Variants in NUMB observed in about 807,000 individuals in gnomAD.
The protein encoded by NUMB is protein numb homolog.
In NUMB, 29 loss-of-function variants were observed where a neutral mutation model predicts 59.7. The ratio of observed to expected loss-of-function variants is 0.49; its 90% CI spans 0.36 to 0.66. The LOEUF (loss-of-function observed/expected upper bound fraction) is 0.66, where lower values mean the gene tolerates loss of function less well. Ranked by LOEUF, NUMB falls within the 30% of genes least tolerant of loss-of-function variation. NUMB has a pLI of 0.00. For synonymous variants in NUMB, 288 were observed against 288.2 expected, an observed-to-expected ratio of 1.00 and a Z score of 0.01; for missense variants, 723 against 822.0, an observed-to-expected ratio of 0.88 and a Z score of 1.47.
At chr14:73,435,807 G>A (rs575207472) in intron 1 of NUMB, among the ~76,000 whole-genome samples, 3 of 151,972 alleles carry the variant, frequency 2.0e-5, no homozygotes, top group African/African-American at 7.2e-5. Context: ...AGGAGTTCGA[G>A]ACTAGCCTGA....
intron 6 of NUMB, among the ~76,000 whole-genome samples, chr14:73,311,442 A>G (rs1890773156): frequency 6.6e-6 from 1 of 152,146 alleles, no homozygotes; most frequent in Non-Finnish European, 1.5e-5. Flanking sequence ...TAAGCTTACA[A>G]TGGATTACAG....
At chr14:73,307,772 GCC>G (rs969597500) in intron 6 of NUMB, among the ~76,000 whole-genome samples, 5 of 116,308 alleles carry the variant, frequency 4.3e-5, no homozygotes, top group African/African-American at 1.4e-4. Flanking sequence ...TTGCTCTGTT[GCC>G]CAGGCTGGAG....
intron 1 of NUMB, among the ~76,000 whole-genome samples, chr14:73,436,598 G>C (rs181573233): frequency 6.6e-6 from 1 of 151,986 alleles, no homozygotes; most frequent in East Asian, 1.9e-4. Context: ...GATTACAAGC[G>C]TGAGCCACCG....
intron 2 of NUMB, among the ~76,000 whole-genome samples, chr14:73,378,543 T>C (rs1401140809): frequency 6.6e-6 from 1 of 152,144 alleles, no homozygotes; most frequent in Non-Finnish European, 1.5e-5. Flanking sequence ...CTGTGGTACA[T>C]TCAAAAAGTG....
At chr14:73,343,247 C>T (rs1171381023) in intron 4 of NUMB, among the ~76,000 whole-genome samples, 1 of 152,056 alleles carries the variant, frequency 6.6e-6, no homozygotes, top group African/African-American at 2.4e-5. Flanking sequence ...AAGATCACTA[C>T]TACAACACTG....
intron 2 of NUMB, among the ~76,000 whole-genome samples, chr14:73,400,367 G>A (rs1896354588): frequency 6.6e-6 from 1 of 152,166 alleles, no homozygotes; most frequent in African/African-American, 2.4e-5. Flanking sequence ...CATTACATTT[G>A]CCAAAATCCT....
At chr14:73,328,690 T>A (rs903947814) in intron 4 of NUMB, among the ~76,000 whole-genome samples, 2 of 152,200 alleles carry the variant, frequency 1.3e-5, no homozygotes, top group African/African-American at 4.8e-5. Context: ...TCCACATCTT[T>A]TTTTTCTTTT....
chr14:73,279,461 C>T lies in NUMB; in HGVS notation c.1097-37G>A, dbSNP rs374767454. 9 of 1,545,520 alleles carry T rather than the reference C, an allele frequency of 5.8e-6. No individual in the cohort carries two copies. In the African/African-American group the frequency reaches 1.2e-4, roughly 21 times the overall value. ...GCAGACAACATCAATGGAGTTAATT[C>T]ATGCAGGGTGTACAAGTGACCCCTT... On this transcript the variant is annotated intron_variant, in intron 11 of 12. Coordinates refer to ENST00000555238, the MANE Select transcript of NUMB (RefSeq NM_001005743.2).
At chr14:73,353,404 C>A (rs572768816) in intron 4 of NUMB, among the ~76,000 whole-genome samples, 1 of 150,766 alleles carries the variant, frequency 6.6e-6, no homozygotes, top group Admixed American at 6.7e-5. Context: ...GTTTCTTTAA[C>A]CAATTCCAGA....
intron 4 of NUMB, among the ~76,000 whole-genome samples, chr14:73,325,515 T>G (rs1891616412): frequency 6.6e-6 from 1 of 152,162 alleles, no homozygotes; most frequent in South Asian, 2.1e-4. Context: ...CACCTGTAAC[T>G]GCTAACTGAA....
At chr14:73,294,265 T>C (rs1378537664) in intron 7 of NUMB, among the ~76,000 whole-genome samples, 1 of 152,148 alleles carries the variant, frequency 6.6e-6, no homozygotes, top group Non-Finnish European at 1.5e-5. Flanking sequence ...TGGAGTGCAG[T>C]GGCGCAATCA....
intron 2 of NUMB, among the ~76,000 whole-genome samples, chr14:73,403,091 C>T (rs1388933114): frequency 6.6e-6 from 1 of 152,174 alleles, no homozygotes; most frequent in African/African-American, 2.4e-5. Context: ...AATTTTGGCC[C>T]TTGGAACATC....
chr14:73,356,638 A>G (rs1893798876), intron 3 of NUMB, among the ~76,000 whole-genome samples: 1 of 152,194 alleles, frequency 6.6e-6, no homozygotes, highest in Non-Finnish European at 1.5e-5. Flanking sequence ...TCTCAAAAAT[A>G]AGTAAATAAA....
intron 4 of NUMB, among the ~76,000 whole-genome samples, chr14:73,354,172 G>A (rs1893637925): frequency 1.3e-5 from 2 of 151,898 alleles, no homozygotes; most frequent in East Asian, 3.9e-4. Flanking sequence ...TGGTACTGAG[G>A]CAGTAAAAAG....
chr14:73,383,022 T>C (rs937924170), intron 2 of NUMB, among the ~76,000 whole-genome samples: 2 of 152,206 alleles, frequency 1.3e-5, no homozygotes, highest in Non-Finnish European at 2.9e-5. Flanking sequence ...GGCACACATA[T>C]GTAATCCCAG....
At chr14:73,279,222 T>G in intron 12 of NUMB, 59 bp downstream of exon 12, 1 of 1,605,664 alleles carries the variant, frequency 6.2e-7, no homozygotes, top group Non-Finnish European at 8.5e-7. Context: ...GGCTGAGTTT[T>G]AGAACCAGGG....
chr14:73,359,089 G>C (rs1893966903), intron 3 of NUMB, among the ~76,000 whole-genome samples: 1 of 152,222 alleles, frequency 6.6e-6, no homozygotes, highest in African/African-American at 2.4e-5. Flanking sequence ...TAAGAGAAAA[G>C]ACTGAAAGTG....
intron 2 of NUMB, among the ~76,000 whole-genome samples, chr14:73,386,864 C>CTTGTTTTT (rs1566773800): frequency 1.4e-5 from 1 of 73,808 alleles, no homozygotes. Context: ...TATCAGGTGT[C>CTTGTTTTT]TTATTTTTTT....
chr14:73,366,206 T>C (rs931331151), intron 3 of NUMB, among the ~76,000 whole-genome samples: 1 of 152,220 alleles, frequency 6.6e-6, no homozygotes, highest in African/African-American at 2.4e-5. Context: ...ATGGCCCTTA[T>C]ATATGTAAGG....
Sources: gnomAD v4.1 joint callset for allele counts (sites outside exome capture counted in the v4.1 genomes callset) on GRCh38, gnomAD v4.1.1 for gene constraint, MANE v1.5 for transcripts, NCBI Gene and HGNC (gene_info 2026-07-23, HGNC 2026-07-21) for gene names.